DSG1: variants seen among roughly 807,000 people sequenced by gnomAD.
DSG1 encodes the protein desmoglein 1, also known as desmoglein-1.
A neutral mutation model predicts 97.5 loss-of-function variants in DSG1; 39 were observed. The ratio of observed to expected loss-of-function variants is 0.40; its 90% CI spans 0.31 to 0.52. The LOEUF is 0.52. DSG1 is among the 20% of genes least tolerant of loss of function. The probability of loss-of-function intolerance (pLI) is 0.53; values close to 1 mark genes in which losing one functional copy is unlikely to be tolerated. For missense variants in DSG1, 1,311 were observed against 1,295.4 expected (o/e 1.01, Z -0.18); for synonymous variants, 475 against 443.4 (o/e 1.07, Z -0.90).
rs1364453693 is a variant in DSG1, at chr18:31,358,329, T to C, written c.*2983T>C. The stretch of plus-strand genomic sequence containing the variant: ...TTACAGATATATCTGCTACATATTA[T>C]TTACTTCTAAGCATGTTGTCTGATG... On this transcript the variant is annotated 3_prime_UTR_variant, in exon 15 of 15. Coordinates refer to ENST00000257192, the MANE Select transcript of DSG1 (RefSeq NM_001942.4). 6.6e-6 allele frequency among the ~76,000 whole-genome samples: 1 copy of C among 152,022 alleles called. No homozygotes were observed. The highest frequency in any genetic ancestry group is 2.4e-5 in the African/African-American group (1 of 41,450).
intron 1 of DSG1, among the ~76,000 whole-genome samples, chr18:31,323,973 T>G: frequency 7.7e-6 from 1 of 129,558 alleles, no homozygotes; most frequent in African/African-American, 2.9e-5. Flanking sequence ...CCTTCTCTCC[T>G]TCCTTTTTTT....
chr18:31,358,389 G>T lies in DSG1; in HGVS notation c.*3043G>T, dbSNP rs555237041. On this transcript the variant is annotated 3_prime_UTR_variant, in exon 15 of 15. Coordinates refer to ENST00000257192, the MANE Select transcript of DSG1 (RefSeq NM_001942.4). The stretch of plus-strand genomic sequence containing the variant: ...TTGCACTGAAAAATTAAAAGAAAAA[G>T]TACATATTTAGGGTTATTTATATAT... Among the ~76,000 whole-genome samples the T allele has an allele frequency of 1.3e-5, 2 of 151,980 alleles. No individual in the cohort carries two copies. Among genetic ancestry groups the T allele is most frequent in the African/African-American group, 4.8e-5 (2 of 41,528 alleles).
intron 12 of DSG1, 100 bp from the exon 13 acceptor site, chr18:31,343,826 A>T: frequency 2.6e-6 from 3 of 1,141,004 alleles, no homozygotes; most frequent in Non-Finnish European, 3.9e-6. Flanking sequence ...TTTTTTTTTT[A>T]GGAAATCTGA....
At position 31,342,179 on chromosome 18, in the gene DSG1, G is replaced by A. The variant is rs556772974; in HGVS notation, c.1688-1271G>A. 5.1e-4 allele frequency among the ~76,000 whole-genome samples: 78 copies of A among 152,182 alleles called. 1 individual carries two copies. The highest frequency in any genetic ancestry group is 1.6e-3 in the African/African-American group (66 of 41,540). On this transcript the variant is annotated intron_variant, in intron 11 of 14. Transcript: ENST00000257192. ...GATCTCCTGACCTCGTGATCCACCCGCTTTGGCCTCTCAAAGTGCTGGAAT... is the reference window on the plus strand; with the variant it reads ...GATCTCCTGACCTCGTGATCCACCCACTTTGGCCTCTCAAAGTGCTGGAAT...
In DSG1 at chr18:31,328,144, C is replaced by T. The variant is rs1473323000; in HGVS notation, c.217-45C>T. The T allele has an allele frequency of 3.1e-6, 5 of 1,605,678 alleles. No individual in the cohort carries two copies. In the South Asian group the frequency reaches 5.5e-5, roughly 18 times the overall value. ...AAGCTGTCGTATATCAAATATAGAACTCTATTTGCTCCCTCTAATATTTTT... is the reference window on the plus strand; with the variant it reads ...AAGCTGTCGTATATCAAATATAGAATTCTATTTGCTCCCTCTAATATTTTT... On this transcript the variant is annotated intron_variant, in intron 3 of 14. Coordinates refer to ENST00000257192, the MANE Select transcript of DSG1 (RefSeq NM_001942.4).
intron 12 of DSG1, 67 bp from the exon 13 acceptor site, chr18:31,343,859 T>C: frequency 7.4e-7 from 1 of 1,343,528 alleles, no homozygotes. Flanking sequence ...ATAAACCAAA[T>C]GTATGACTGC....
intron 8 of DSG1, among the ~76,000 whole-genome samples, chr18:31,335,713 A>C (rs1324270455): frequency 4.0e-5 from 6 of 151,706 alleles, no homozygotes; most frequent in African/African-American, 1.5e-4. Context: ...GTATGGGCCT[A>C]ATGGCATAAT....
intron 11 of DSG1, among the ~76,000 whole-genome samples, chr18:31,341,929 T>C (rs1037141067): frequency 5.1e-5 from 6 of 117,094 alleles, no homozygotes; most frequent in Non-Finnish European, 1.2e-4. Context: ...TGTTCTTTTG[T>C]TTTTTTGTTT....
intron 1 of DSG1, among the ~76,000 whole-genome samples, chr18:31,321,323 A>C (rs896164451): frequency 3.9e-5 from 6 of 152,144 alleles, no homozygotes; most frequent in African/African-American, 1.4e-4. Context: ...CTAAAGCAAG[A>C]GAAGAACTAA....
At chr18:31,323,148 C>A (rs1217059176) in intron 1 of DSG1, among the ~76,000 whole-genome samples, 3 of 152,352 alleles carry the variant, frequency 2.0e-5, no homozygotes, top group East Asian at 1.9e-4. Context: ...TCCCTATCCA[C>A]TGGGCAAAAC....
At position 31,357,053 on chromosome 18, in the gene DSG1, A is replaced by G. The variant is rs2071965521; in HGVS notation, c.*1707A>G. On this transcript the variant is annotated 3_prime_UTR_variant, in exon 15 of 15. Transcript: ENST00000257192. Reference sequence around the variant, plus strand: ...GAGTTGTGAATTATATACAACTTTTAAAGAATTTACCCCAATTACTCAAAT... The same window carrying G: ...GAGTTGTGAATTATATACAACTTTTGAAGAATTTACCCCAATTACTCAAAT... 6.6e-6 allele frequency: 1 copy of G among 152,138 alleles called. No individual in the cohort carries two copies. Among genetic ancestry groups the G allele is most frequent in the East Asian group, 1.9e-4 (1 of 5,194 alleles). 9.4% of individuals were successfully genotyped at this position (152,138 alleles called of 1,614,324 possible). A position where few individuals can be genotyped will look rare whatever the true frequency, so the allele number is the denominator to read the frequency against.
At chr18:31,320,422 C>A (rs977190163) in intron 1 of DSG1, among the ~76,000 whole-genome samples, 3 of 152,112 alleles carry the variant, frequency 2.0e-5, no homozygotes, top group Non-Finnish European at 4.4e-5. Flanking sequence ...GTCTTTTAAG[C>A]AAATCTACCT....
In DSG1 at chr18:31,356,240, G is replaced by A. The variant is rs1373568413; in HGVS notation, c.*894G>A. On this transcript the variant is annotated 3_prime_UTR_variant, in exon 15 of 15. Coordinates refer to ENST00000257192, the MANE Select transcript of DSG1 (RefSeq NM_001942.4). ...CCTGACATGGTTGTCATCACTAGTGGCAAATGACCTTCCAAGTAAGCAGAT... is the reference window on the plus strand; with the variant it reads ...CCTGACATGGTTGTCATCACTAGTGACAAATGACCTTCCAAGTAAGCAGAT... 1 of 152,188 alleles carries A rather than the reference G, an allele frequency of 6.6e-6. No homozygotes were observed. Among genetic ancestry groups the A allele is most frequent in the African/African-American group, 2.4e-5 (1 of 41,430 alleles). The allele number at this position is 152,188 out of a possible 1,614,324, so 9.4% of individuals were successfully genotyped here.
At chr18:31,330,078 G>T in intron 5 of DSG1, 42 bp downstream of exon 5, 1 of 1,608,018 alleles carries the variant, frequency 6.2e-7, no homozygotes, top group African/African-American at 1.3e-5. Flanking sequence ...TAACAGCCAG[G>T]CACCTAACTG....
At position 31,329,957 on chromosome 18, in the gene DSG1, G is replaced by C; in HGVS notation, c.438G>C (p.Arg146Ser). 1 of 1,613,248 alleles carries C rather than the reference G, an allele frequency of 6.2e-7. No homozygotes were observed. Among genetic ancestry groups the C allele is most frequent in the Non-Finnish European group, 8.5e-7 (1 of 1,179,420 alleles). Residue 146 changes from arginine to serine, a missense_variant, in exon 5 of 15, where the codon AGG becomes AGC. By Grantham distance (110) the Arg-to-Ser change is moderately radical. Around this residue, in one of 3 missense-constraint regions of DSG1, gnomAD observed 259 missense variants for 304.1 expected, o/e 0.85. Coordinates refer to ENST00000257192, the MANE Select transcript of DSG1 (RefSeq NM_001942.4). Reference protein sequence around the residue: ...DLERPLELRVRVLDINDNPPV... With the variant: ...DLERPLELRVSVLDINDNPPV... Reference sequence around the variant, plus strand: ...AGAGGCCTCTAGAGCTCAGAGTCAGGGTTTTGGATATAAATGACAACCCTC... The same window carrying C: ...AGAGGCCTCTAGAGCTCAGAGTCAGCGTTTTGGATATAAATGACAACCCTC...
chr18:31,343,670 A>C (rs1254286954), intron 12 of DSG1, 87 bp downstream of exon 12: 5 of 1,582,210 alleles, frequency 3.2e-6, no homozygotes, highest in Non-Finnish European at 4.3e-6. Flanking sequence ...CATCACTCAC[A>C]GTCTATGCTG....
Position 31,355,393 on chromosome 18 carries a change from A to G in DSG1, c.*47A>G, listed in dbSNP as rs758706413. On this transcript the variant is annotated 3_prime_UTR_variant, in exon 15 of 15. Transcript: ENST00000257192. ...TCATAGTCATTGTGGTTTAGATCCA[A>G]TTCCCACCACTAAAAAACCAACAAT... The G allele has an allele frequency of 1.2e-5, 19 of 1,578,322 alleles. No individual in the cohort carries two copies. In the East Asian group the frequency reaches 3.8e-4, roughly 32 times the overall value.
chr18:31,350,889 A>G (rs2071889936), intron 14 of DSG1, among the ~76,000 whole-genome samples: 1 of 150,626 alleles, frequency 6.6e-6, no homozygotes. Context: ...CTAGCAGTCT[A>G]TCAATTTTGT....
At chr18:31,323,976 C>CTTTTTTTTTTTTTTTTT (rs1203163479) in intron 1 of DSG1, among the ~76,000 whole-genome samples, 8 of 94,984 alleles carry the variant, frequency 8.4e-5, no homozygotes, top group African/African-American at 1.6e-4. Flanking sequence ...TCTCTCCTTC[C>CTTTTTTTTTTTTTTTTT]TTTTTTTTTT....
Sources: gnomAD v4.1 joint callset for allele counts (sites outside exome capture counted in the v4.1 genomes callset) on GRCh38, gnomAD v4.1.1 for gene constraint, gnomAD v4.1.1 regional missense constraint, MANE v1.5 for transcripts, NCBI Gene and HGNC (gene_info 2026-07-23, HGNC 2026-07-21) for gene names.